MECOM: variants seen among roughly 807,000 people sequenced by gnomAD.
MECOM encodes the protein histone-lysine N-methyltransferase MECOM.
A neutral mutation model predicts 116.3 loss-of-function variants in MECOM; 13 were observed. That is an observed-to-expected ratio of 0.11 (90% confidence interval 0.07 to 0.18). MECOM has a LOEUF of 0.18. Ranked by LOEUF, MECOM falls within the 10% of genes least tolerant of loss-of-function variation. The pLI, the probability that MECOM is intolerant of heterozygous loss-of-function variation, is 1.00. For missense variants in MECOM, 1,299 were observed against 1,509.0 expected (o/e 0.86, Z 2.31); for synonymous variants, 528 against 535.2 (o/e 0.99, Z 0.19).
chr3:169,640,464 CTT>C (rs761770798), intron 1 of MECOM, among the ~76,000 whole-genome samples: 24 of 152,190 alleles, frequency 1.6e-4, no homozygotes, highest in Admixed American at 4.6e-4. Context: ...AATATTGACA[CTT>C]TAATGGAATT....
rs763781203 is a variant in MECOM at position 169,116,287 on chromosome 3, T to C, written c.1585A>G (p.Met529Val). 6 of 1,614,036 alleles carry C rather than the reference T, an allele frequency of 3.7e-6. No individual in the cohort carries two copies. The African/African-American group carries it at 8.0e-5, about 22-fold the overall frequency. The change falls in exon 8 of 17, where the codon ATG becomes GTG. Residue 529 changes from methionine (M) to valine (V), a missense_variant. Transcript: ENST00000651503. ...GCTGGCAGTATCTGAGGATGTGTCA[T>C]GAGGGGACTTTGACTTTTGTTTGTC... ...EQTNKSQSPL[M>V]THPQILPATQ...
chr3:169,198,324 A>G lies in MECOM; in HGVS notation c.376-54492T>C, dbSNP rs190672078. 1.3e-3 allele frequency among the ~76,000 whole-genome samples: 191 copies of G among 152,126 alleles called. 1 individual carries two copies. Among genetic ancestry groups the G allele is most frequent in the African/African-American group, 4.4e-3 (183 of 41,540 alleles). ...TCTTTATATCAAACTTTCACTTCAC[A>G]TTGCTCTCCCCTTCCCTAGGGAAAA... is the stretch of plus-strand genomic sequence containing the variant. On this transcript the variant is annotated intron_variant, in intron 2 of 16. Coordinates refer to ENST00000651503, the MANE Select transcript of MECOM (RefSeq NM_004991.4).
intron 1 of MECOM, among the ~76,000 whole-genome samples, chr3:169,444,391 G>T (rs1247059603): frequency 6.6e-6 from 1 of 152,106 alleles, no homozygotes; most frequent in Non-Finnish European, 1.5e-5. Flanking sequence ...CCATGGGGAG[G>T]TAATTGAATC....
chr3:169,110,056 G>T (rs2149025836), intron 9 of MECOM, among the ~76,000 whole-genome samples: 1 of 152,092 alleles, frequency 6.6e-6, no homozygotes, highest in African/African-American at 2.4e-5. Flanking sequence ...ATGCTGAGAG[G>T]GTCCATGTGA....
At chr3:169,595,206 A>G (rs965296296) in intron 1 of MECOM, among the ~76,000 whole-genome samples, 1 of 152,216 alleles carries the variant, frequency 6.6e-6, no homozygotes, top group Non-Finnish European at 1.5e-5. Flanking sequence ...TTGTCTACTA[A>G]TGGATACAGG....
At chr3:169,635,551 T>C (rs549896619) in intron 1 of MECOM, among the ~76,000 whole-genome samples, 1 of 152,256 alleles carries the variant, frequency 6.6e-6, no homozygotes, top group Non-Finnish European at 1.5e-5. Context: ...TCAGCTCACA[T>C]AGTTTTCTCT....
intron 2 of MECOM, among the ~76,000 whole-genome samples, chr3:169,350,751 T>C (rs1424051724): frequency 6.6e-6 from 1 of 151,918 alleles, no homozygotes; most frequent in Non-Finnish European, 1.5e-5. Context: ...ACTCATGTTA[T>C]ATCTCTATCG....
chr3:169,389,572 C>A, intron 1 of MECOM: 2 of 985,336 alleles, frequency 2.0e-6, no homozygotes, highest in Non-Finnish European at 2.4e-6. Context: ...ACCTGATGGG[C>A]TTTTTCTTCA....
Position 169,300,526 on chromosome 3 carries a change from A to T in MECOM, c.375+80661T>A, listed in dbSNP as rs1716511187. On this transcript the variant is annotated intron_variant, in intron 2 of 16. Transcript: ENST00000651503. ...TACCCTCTTAAAGTTTTAGACTCAT[A>T]GTCTTAATTTCACACCTGCTGATGT... Among the ~76,000 whole-genome samples, 5 of 152,210 alleles carry T rather than the reference A, an allele frequency of 3.3e-5. No homozygotes were observed. In the South Asian group the frequency reaches 1.0e-3, roughly 31 times the overall value.
intron 1 of MECOM, among the ~76,000 whole-genome samples, chr3:169,482,614 G>T (rs553552544): frequency 4.6e-4 from 70 of 152,220 alleles, no homozygotes; most frequent in African/African-American, 1.6e-3. Context: ...GATTACGGGC[G>T]TGAGCCACCG....
At chr3:169,461,588 A>G (rs557790809) in intron 1 of MECOM, among the ~76,000 whole-genome samples, 2 of 152,262 alleles carry the variant, frequency 1.3e-5, no homozygotes, top group South Asian at 4.1e-4. Flanking sequence ...CCACATTTCC[A>G]GCAGTTCTGA....
chr3:169,169,240 A>G (rs1744052647), intron 2 of MECOM, among the ~76,000 whole-genome samples: 1 of 151,976 alleles, frequency 6.6e-6, no homozygotes, highest in Non-Finnish European at 1.5e-5. Flanking sequence ...CAGAAACACA[A>G]TACTTAATAT....
rs571037859 is a variant in MECOM, at chr3:169,254,794, G to C, written c.376-110962C>G. 2.5e-3 allele frequency among the ~76,000 whole-genome samples: 387 copies of C among 152,090 alleles called. 1 individual carries two copies. The highest frequency in any genetic ancestry group is 8.8e-3 in the African/African-American group (366 of 41,484). On this transcript the variant is annotated intron_variant, in intron 2 of 16. Coordinates refer to ENST00000651503, the MANE Select transcript of MECOM (RefSeq NM_004991.4). ...ACATTCCAAAAATCTTAGAATTTTA[G>C]GGCAATAATCAAAGTTAGAAGTGGA...
intron 8 of MECOM, among the ~76,000 whole-genome samples, chr3:169,115,032 A>G (rs1046329326): frequency 3.3e-5 from 5 of 152,136 alleles, no homozygotes; most frequent in Non-Finnish European, 5.9e-5. Flanking sequence ...GTACCCACGC[A>G]TATTTGCATT....
Position 169,204,098 on chromosome 3 carries a change from C to T in MECOM, c.376-60266G>A, listed in dbSNP as rs552092729. Among the ~76,000 whole-genome samples, 11 of 152,232 alleles carry T rather than the reference C, an allele frequency of 7.2e-5. No individual in the cohort carries two copies. In the East Asian group the frequency reaches 1.5e-3, roughly 21 times the overall value. On this transcript the variant is annotated intron_variant, in intron 2 of 16. Transcript: ENST00000651503. ...CAGTTCATGCCACAGCCCAAGGAAC[C>T]GCTACTGGGAGAAGGTGGAAACCCT...
At chr3:169,253,501 G>T (rs1422108989) in intron 2 of MECOM, among the ~76,000 whole-genome samples, 1 of 151,446 alleles carries the variant, frequency 6.6e-6, no homozygotes, top group African/African-American at 2.4e-5. Flanking sequence ...ATATTTATCA[G>T]TAAGGAGCAC....
At chr3:169,283,833 T>C (rs900603778) in intron 2 of MECOM, among the ~76,000 whole-genome samples, 1 of 152,240 alleles carries the variant, frequency 6.6e-6, no homozygotes, top group African/African-American at 2.4e-5. Flanking sequence ...CTGTATTTTT[T>C]TTCTGGCAAA....
chr3:169,440,730 G>A (rs12496980), intron 1 of MECOM, among the ~76,000 whole-genome samples: 6,545 of 152,186 alleles, frequency 0.043, 449 homozygotes, highest in Admixed American at 0.19. Context: ...AGCTTCTGAA[G>A]GAAACAACTT....
intron 10 of MECOM, among the ~76,000 whole-genome samples, chr3:169,103,222 G>T (rs1477520769): frequency 1.3e-5 from 2 of 151,588 alleles, no homozygotes; most frequent in East Asian, 2.0e-4. Context: ...ACCTGCTTCG[G>T]TCTCCCAAAG....
Sources: allele counts gnomAD v4.1 joint callset (sites outside exome capture counted in the v4.1 genomes callset), GRCh38; gene constraint gnomAD v4.1.1; transcripts MANE v1.5; gene names NCBI Gene and HGNC (gene_info 2026-07-23, HGNC 2026-07-21).